Variants in ASIC2 observed in about 807,000 individuals in gnomAD.
ASIC2 encodes acid sensing ion channel subunit 2.
A neutral mutation model predicts 57.3 loss-of-function variants in ASIC2; 25 were observed. The ratio of observed to expected loss-of-function variants is 0.44; its 90% CI spans 0.32 to 0.61. The LOEUF is 0.61. Among genes scored for constraint, ASIC2 ranks in the 20% least tolerant of loss-of-function variants. The probability of loss-of-function intolerance (pLI) is 0.06; values close to 1 mark genes in which losing one functional copy is unlikely to be tolerated. For synonymous variants in ASIC2, 319 were observed against 307.5 expected (o/e 1.04, Z -0.39); for missense variants, 641 against 738.1 (o/e 0.87, Z 1.52).
chr17:34,073,772 A>C (rs1300550042), intron 1 of ASIC2, among the ~76,000 whole-genome samples: 1 of 152,184 alleles, frequency 6.6e-6, no homozygotes. Flanking sequence ...AGTCAGAAGA[A>C]ACGGGGTTGG....
intron 1 of ASIC2, among the ~76,000 whole-genome samples, chr17:34,077,851 G>A (rs915111259): frequency 3.9e-5 from 6 of 152,062 alleles, no homozygotes; most frequent in African/African-American, 7.2e-5. Flanking sequence ...CATCACAGCC[G>A]AAAAGCATTG....
chr17:33,912,507 T>A (rs2141959928), intron 1 of ASIC2, among the ~76,000 whole-genome samples: 1 of 151,138 alleles, frequency 6.6e-6, no homozygotes, highest in Admixed American at 6.6e-5. Flanking sequence ...CAAACAAAAA[T>A]AAAAAAATAA....
intron 1 of ASIC2, among the ~76,000 whole-genome samples, chr17:33,579,475 A>G (rs1033815971): frequency 1.3e-5 from 2 of 152,088 alleles, no homozygotes; most frequent in South Asian, 2.1e-4. Flanking sequence ...TTCAACATTC[A>G]TTGAGAATCA....
At chr17:33,921,733 T>C (rs1247807280) in intron 1 of ASIC2, among the ~76,000 whole-genome samples, 2 of 152,162 alleles carry the variant, frequency 1.3e-5, no homozygotes, top group Non-Finnish European at 2.9e-5. Flanking sequence ...GGAATTTAGA[T>C]GGGGAGTTAC....
At chr17:33,943,915 G>A (rs750542953) in intron 1 of ASIC2, among the ~76,000 whole-genome samples, 10 of 151,942 alleles carry the variant, frequency 6.6e-5, no homozygotes, top group Non-Finnish European at 1.2e-4. Flanking sequence ...ATTCACCCTC[G>A]GAGTGTTTTG....
intron 1 of ASIC2, among the ~76,000 whole-genome samples, chr17:33,974,340 G>A (rs545965163): frequency 2.6e-5 from 4 of 152,152 alleles, no homozygotes; most frequent in Non-Finnish European, 5.9e-5. Context: ...TCTCTTTGGT[G>A]TCTTACTCCA....
intron 1 of ASIC2, among the ~76,000 whole-genome samples, chr17:33,775,736 C>T (rs2142123807): frequency 6.6e-6 from 1 of 152,238 alleles, no homozygotes; most frequent in East Asian, 1.9e-4. Flanking sequence ...ATTCTTTGTC[C>T]ACCTCCTCCT....
intron 1 of ASIC2, among the ~76,000 whole-genome samples, chr17:33,142,700 C>T (rs1245810438): frequency 6.6e-6 from 1 of 152,222 alleles, no homozygotes; most frequent in Non-Finnish European, 1.5e-5. Flanking sequence ...CATGACCACA[C>T]CCTCTACTCA....
intron 1 of ASIC2, among the ~76,000 whole-genome samples, chr17:33,732,625 AT>A (rs1268853546): frequency 6.6e-6 from 1 of 150,378 alleles, no homozygotes; most frequent in East Asian, 1.9e-4. Flanking sequence ...AGCCTCCTGA[AT>A]TTTTTTTATT....
intron 1 of ASIC2, among the ~76,000 whole-genome samples, chr17:33,253,507 CA>C (rs1355743047): frequency 6.6e-6 from 1 of 152,172 alleles, no homozygotes; most frequent in Non-Finnish European, 1.5e-5. Flanking sequence ...ATTAGGTAGA[CA>C]GATTTTCTTG....
At chr17:33,895,275 G>A (rs939556651) in intron 1 of ASIC2, among the ~76,000 whole-genome samples, 6 of 151,626 alleles carry the variant, frequency 4.0e-5, no homozygotes, top group Non-Finnish European at 8.8e-5. Context: ...CAATCCTCGT[G>A]TCTCAGCCTC....
intron 1 of ASIC2, among the ~76,000 whole-genome samples, chr17:34,096,257 AG>A (rs1228999874): frequency 6.6e-6 from 1 of 152,164 alleles, no homozygotes; most frequent in Non-Finnish European, 1.5e-5. Flanking sequence ...GATATGGAGG[AG>A]TTAGCCCTGG....
At chr17:33,437,212 T>G (rs1462262001) in intron 1 of ASIC2, among the ~76,000 whole-genome samples, 1 of 151,966 alleles carries the variant, frequency 6.6e-6, no homozygotes, top group Non-Finnish European at 1.5e-5. Context: ...AGTGGCAAGA[T>G]CATAGCTCAC....
At chr17:34,141,643 G>C (rs1376762870) in intron 1 of ASIC2, among the ~76,000 whole-genome samples, 1 of 152,156 alleles carries the variant, frequency 6.6e-6, no homozygotes. Context: ...TTAAATCCAT[G>C]TGCTGGGCAA....
intron 1 of ASIC2, among the ~76,000 whole-genome samples, chr17:33,777,537 G>A (rs1373798390): frequency 2.0e-5 from 3 of 151,122 alleles, no homozygotes; most frequent in Admixed American, 2.0e-4. Context: ...TGACACATCT[G>A]TTTGAACAAC....
intron 1 of ASIC2, among the ~76,000 whole-genome samples, chr17:33,143,838 T>C (rs1227050513): frequency 1.3e-5 from 2 of 152,222 alleles, no homozygotes; most frequent in Non-Finnish European, 2.9e-5. Flanking sequence ...AAAAGATGTA[T>C]GCATAAAGGA....
intron 1 of ASIC2, among the ~76,000 whole-genome samples, chr17:33,893,288 G>A (rs1374486643): frequency 6.6e-6 from 1 of 152,124 alleles, no homozygotes. Flanking sequence ...CATGGTGCTT[G>A]CAGGACCACT....
At chr17:33,953,442 C>A (rs371724866) in intron 1 of ASIC2, among the ~76,000 whole-genome samples, 2 of 151,870 alleles carry the variant, frequency 1.3e-5, no homozygotes, top group Admixed American at 6.6e-5. Flanking sequence ...ACACTGTGAT[C>A]GTAATTTTGT....
chr17:34,070,018 C>G (rs1406784578), intron 1 of ASIC2: 3 of 152,034 alleles, frequency 2.0e-5, no homozygotes, highest in Non-Finnish European at 4.4e-5. Flanking sequence ...AGTAGGTATA[C>G]TGGCTGAGTA....
Sources: gnomAD v4.1 joint callset for allele counts (sites outside exome capture counted in the v4.1 genomes callset) on GRCh38, gnomAD v4.1.1 for gene constraint, MANE v1.5 for transcripts, NCBI Gene and HGNC (gene_info 2026-07-23, HGNC 2026-07-21) for gene names.